The following PDZRN3 variants were observed in gnomAD, a reference collection of about 807,000 sequenced individuals.
PDZRN3 encodes the protein PDZ domain containing ring finger 3.
A neutral mutation model predicts 85.7 loss-of-function variants in PDZRN3; 38 were observed. The observed-to-expected ratio is 0.44, with a 90% CI of 0.34 to 0.58. The LOEUF is 0.58. Ranked by LOEUF, PDZRN3 falls within the 20% of genes least tolerant of loss-of-function variation. PDZRN3 has a pLI of 0.01. For missense variants in PDZRN3, 1,629 were observed against 1,506.4 expected, an observed-to-expected ratio of 1.08 and a Z score of -1.35; for synonymous variants, 759 against 638.0, an observed-to-expected ratio of 1.19 and a Z score of -2.86.
chr3:73,384,072 T>G lies in PDZRN3; in HGVS notation c.2494A>C (p.Asn832His). The G allele has an allele frequency of 6.2e-7, 1 of 1,611,420 alleles. No individual in the cohort carries two copies. ...CGCTCTTTGCTTTCCAGGGGCTGGTTGGGGTCCAGCTCCTTCAGGGACGGG... is the reference window on the plus strand; with the variant it reads ...CGCTCTTTGCTTTCCAGGGGCTGGTGGGGGTCCAGCTCCTTCAGGGACGGG... Reference protein sequence around the residue: ...YSPSLKELDPNQPLESKERRA... With the variant: ...YSPSLKELDPHQPLESKERRA... Residue 832 changes from asparagine to histidine, a missense_variant, in exon 10 of 10, where the codon AAC (asparagine) becomes CAC (histidine). Physicochemically the swap from Asn to His is moderately conservative, Grantham distance 68. Transcript: ENST00000263666.
At chr3:73,558,535 C>T (rs1410884925) in intron 3 of PDZRN3, among the ~76,000 whole-genome samples, 2 of 152,328 alleles carry the variant, frequency 1.3e-5, no homozygotes, top group South Asian at 2.1e-4. Context: ...CAGCAAGAGA[C>T]ACAGCCACTC....
chr3:73,548,836 A>G (rs1454141394), intron 3 of PDZRN3, among the ~76,000 whole-genome samples: 3 of 152,234 alleles, frequency 2.0e-5, no homozygotes, highest in South Asian at 4.1e-4. Context: ...AAGCAGGACA[A>G]CAGATGCTGG....
At chr3:73,399,192 T>C (rs1037095902) in intron 5 of PDZRN3, among the ~76,000 whole-genome samples, 3 of 152,204 alleles carry the variant, frequency 2.0e-5, no homozygotes, top group African/African-American at 7.2e-5. Flanking sequence ...CTACAAAGTC[T>C]CTACTACTTC....
intron 3 of PDZRN3, among the ~76,000 whole-genome samples, chr3:73,492,295 C>T (rs962903039): frequency 6.6e-6 from 1 of 152,180 alleles, no homozygotes; most frequent in African/African-American, 2.4e-5. Context: ...GCTTGTATCT[C>T]CTCCTGGGGA....
chr3:73,553,674 C>T (rs1315979209), intron 3 of PDZRN3, among the ~76,000 whole-genome samples: 3 of 152,198 alleles, frequency 2.0e-5, no homozygotes, highest in Non-Finnish European at 4.4e-5. Context: ...GAACTCAAGC[C>T]CTCTAATGTC....
At chr3:73,619,654 G>A (rs1202233435) in intron 1 of PDZRN3, among the ~76,000 whole-genome samples, 1 of 152,144 alleles carries the variant, frequency 6.6e-6, no homozygotes, top group African/African-American at 2.4e-5. Context: ...GGAGCTCAGG[G>A]GCACATGCAT....
At chr3:73,610,962 C>G (rs1575762966) in intron 1 of PDZRN3, among the ~76,000 whole-genome samples, 3 of 152,082 alleles carry the variant, frequency 2.0e-5, no homozygotes, top group Non-Finnish European at 4.4e-5. Flanking sequence ...AAAAATTGCA[C>G]TATTACCATC....
In PDZRN3 at chr3:73,404,129, TC is replaced by T. The variant is rs1217308545; in HGVS notation, c.1166+18del. ...AAATACTTCTTAATGCATTAGGGGTTCAAGATTAGGTTACTTACTCCTCTGG... is the reference window on the plus strand; with the variant it reads ...AAATACTTCTTAATGCATTAGGGGTTAAGATTAGGTTACTTACTCCTCTGG... On this transcript the variant is annotated intron_variant, in intron 4 of 9. Transcript: ENST00000263666. 1.2e-5 allele frequency: 20 copies of T among 1,608,910 alleles called. No homozygotes were observed. Among genetic ancestry groups the T allele is most frequent in the Non-Finnish European group, 1.6e-5 (19 of 1,176,466 alleles).
chr3:73,587,599 CT>C (rs1267002532), intron 3 of PDZRN3, among the ~76,000 whole-genome samples: 1 of 152,190 alleles, frequency 6.6e-6, no homozygotes, highest in African/African-American at 2.4e-5. Flanking sequence ...ATTTATCTTC[CT>C]GCCTCTGAAG....
At chr3:73,425,181 A>AT (rs906671190) in intron 3 of PDZRN3, among the ~76,000 whole-genome samples, 74 of 146,144 alleles carry the variant, frequency 5.1e-4, no homozygotes, top group East Asian at 3.2e-3. Flanking sequence ...CGCCTGTCTA[A>AT]TTTTTTTTTT....
chr3:73,464,049 G>T (rs1191437602), intron 3 of PDZRN3, among the ~76,000 whole-genome samples: 1 of 152,098 alleles, frequency 6.6e-6, no homozygotes, highest in Non-Finnish European at 1.5e-5. Context: ...GAAACAGGGC[G>T]ATCTCGGCTC....
intron 1 of PDZRN3, among the ~76,000 whole-genome samples, chr3:73,622,182 T>A (rs150318491): frequency 6.6e-6 from 1 of 152,344 alleles, no homozygotes; most frequent in African/African-American, 2.4e-5. Context: ...TTTGTGTGCC[T>A]GTGAGGTCCT....
chr3:73,519,041 G>A (rs998993863), intron 3 of PDZRN3, among the ~76,000 whole-genome samples: 1 of 152,186 alleles, frequency 6.6e-6, no homozygotes, highest in Non-Finnish European at 1.5e-5. Flanking sequence ...GTGAGTTCAG[G>A]AAACTTCCCT....
At chr3:73,573,907 A>G (rs925421426) in intron 3 of PDZRN3, among the ~76,000 whole-genome samples, 3 of 152,202 alleles carry the variant, frequency 2.0e-5, no homozygotes, top group East Asian at 3.8e-4. Context: ...ACTTTAAAAA[A>G]AATTCACAGC....
chr3:73,610,342 T>C (rs1702664375), intron 1 of PDZRN3, among the ~76,000 whole-genome samples: 1 of 152,196 alleles, frequency 6.6e-6, no homozygotes, highest in African/African-American at 2.4e-5. Context: ...TGACAGGCTA[T>C]TGGTTTTTAA....
At chr3:73,416,876 G>GTTTTTTTTT (rs146381615) in intron 3 of PDZRN3, among the ~76,000 whole-genome samples, 102 of 110,378 alleles carry the variant, frequency 9.2e-4, no homozygotes, top group Non-Finnish European at 1.1e-3. Context: ...TTTTTTTTTG[G>GTTTTTTTTT]TTTTTTTTTT....
At chr3:73,386,328 T>A (rs1701386397) in intron 8 of PDZRN3, among the ~76,000 whole-genome samples, 1 of 145,404 alleles carries the variant, frequency 6.9e-6, no homozygotes, top group Non-Finnish European at 1.5e-5. Flanking sequence ...CCCGAGTAGC[T>A]GGGATTACAG....
chr3:73,555,781 T>C lies in PDZRN3; in HGVS notation c.918+46573A>G, dbSNP rs554167756. 2.6e-5 allele frequency among the ~76,000 whole-genome samples: 4 copies of C among 152,318 alleles called. No homozygotes were observed. The East Asian group carries it at 7.7e-4, about 29-fold the overall frequency. On this transcript the variant is annotated intron_variant, in intron 3 of 9. Transcript: ENST00000263666. The stretch of plus-strand genomic sequence containing the variant: ...AGTCAATGGTAACCTTGGTTTTCTA[T>C]TTCTGAATTGAAATCAGCTATTTAA...
At chr3:73,490,714 T>C (rs893998036) in intron 3 of PDZRN3, among the ~76,000 whole-genome samples, 1 of 152,224 alleles carries the variant, frequency 6.6e-6, no homozygotes, top group African/African-American at 2.4e-5. Context: ...CACATAAAAA[T>C]GACCTTTCTA....
Sources: allele counts gnomAD v4.1 joint callset (sites outside exome capture counted in the v4.1 genomes callset), GRCh38; gene constraint gnomAD v4.1.1; transcripts MANE v1.5; gene names NCBI Gene and HGNC (gene_info 2026-07-23, HGNC 2026-07-21).